GPATCH8: variants seen among roughly 807,000 people sequenced by gnomAD.
GPATCH8 encodes the protein G-patch domain containing 8, also known as G patch domain-containing protein 8.
In GPATCH8, 18 loss-of-function variants were observed where a neutral mutation model predicts 118.3. The observed-to-expected ratio is 0.15, with a 90% confidence interval of 0.11 to 0.23. The LOEUF is 0.23. GPATCH8 is among the 10% of genes least tolerant of loss of function. GPATCH8 has a pLI of 1.00. For missense variants in GPATCH8, 1,631 were observed against 1,873.8 expected (o/e 0.87, Z 2.39); for synonymous variants, 659 against 684.7 (o/e 0.96, Z 0.59).
intron 3 of GPATCH8, among the ~76,000 whole-genome samples, chr17:44,453,480 T>C (rs972494531): frequency 5.1e-5 from 6 of 118,114 alleles, no homozygotes; most frequent in African/African-American, 1.8e-4. Context: ...CTTCTAGTTG[T>C]AGGTAGGTAG....
chr17:44,408,206 T>C (rs1208417148), intron 6 of GPATCH8, among the ~76,000 whole-genome samples: 1 of 148,710 alleles, frequency 6.7e-6, no homozygotes, highest in East Asian at 2.0e-4. Context: ...TTTTTTGAGA[T>C]GGAGTTTTAT....
chr17:44,491,635 G>A (rs1969253287), intron 1 of GPATCH8, among the ~76,000 whole-genome samples: 1 of 152,024 alleles, frequency 6.6e-6, no homozygotes, highest in Non-Finnish European at 1.5e-5. Context: ...ATCACTAGAG[G>A]CAAGGAGTTC....
rs186055241 is a variant in GPATCH8 at position 44,502,711 on chromosome 17, C to T, written c.45+615G>A. On this transcript the variant is annotated intron_variant, in intron 1 of 7. Coordinates refer to ENST00000591680, the MANE Select transcript of GPATCH8 (RefSeq NM_001002909.4). ...CGGATCATAGTCCAGTAACTTACTG[C>T]TTTCCAAGCCCAATTAACAGCCTAA... Among the ~76,000 whole-genome samples the T allele has an allele frequency of 2.2e-3, 332 of 152,314 alleles. 1 individual carries two copies. Among genetic ancestry groups the T allele is most frequent in the African/African-American group, 7.6e-3 (316 of 41,566 alleles).
intron 3 of GPATCH8, among the ~76,000 whole-genome samples, chr17:44,448,292 T>C (rs139631372): frequency 0.02 from 3,008 of 152,102 alleles, 102 homozygotes; most frequent in African/African-American, 0.068. Context: ...GTATGGTGGC[T>C]CACGCCTATA....
intron 6 of GPATCH8, among the ~76,000 whole-genome samples, chr17:44,414,077 ATATG>A (rs1387534361): frequency 8.0e-5 from 10 of 124,658 alleles, no homozygotes; most frequent in African/African-American, 2.2e-4. Flanking sequence ...ATATATATAT[ATATG>A]TGTGTGTATA....
At chr17:44,462,477 C>T (rs1305337198) in intron 3 of GPATCH8, among the ~76,000 whole-genome samples, 1 of 152,178 alleles carries the variant, frequency 6.6e-6, no homozygotes, top group Non-Finnish European at 1.5e-5. Flanking sequence ...ACGAATTGCT[C>T]TTAATCAGAG....
At chr17:44,480,048 A>G (rs1275962156) in intron 1 of GPATCH8, among the ~76,000 whole-genome samples, 1 of 152,134 alleles carries the variant, frequency 6.6e-6, no homozygotes, top group Non-Finnish European at 1.5e-5. Context: ...TCAGAAACCA[A>G]TGAATGCTGA....
intron 6 of GPATCH8, among the ~76,000 whole-genome samples, chr17:44,423,149 G>A (rs957718186): frequency 1.5e-4 from 23 of 152,034 alleles, no homozygotes; most frequent in African/African-American, 4.8e-4. Flanking sequence ...GCTGAGGCAG[G>A]AGAATCACTT....
At chr17:44,496,214 T>C (rs1249124513) in intron 1 of GPATCH8, among the ~76,000 whole-genome samples, 1 of 152,160 alleles carries the variant, frequency 6.6e-6, no homozygotes, top group Admixed American at 6.5e-5. Context: ...ATCAAAATAA[T>C]TTCTTGATTT....
At chr17:44,427,256 C>G (rs1031301684) in intron 5 of GPATCH8, among the ~76,000 whole-genome samples, 1 of 151,466 alleles carries the variant, frequency 6.6e-6, no homozygotes, top group Admixed American at 6.6e-5. Flanking sequence ...TTGTATTTTT[C>G]GTAGAGACAG....
chr17:44,453,879 A>C (rs1482870629), intron 3 of GPATCH8, among the ~76,000 whole-genome samples: 1 of 152,010 alleles, frequency 6.6e-6, no homozygotes, highest in Admixed American at 6.6e-5. Flanking sequence ...ACTCTGCTTC[A>C]ATCAAAACAA....
At chr17:44,483,170 A>T (rs1369671490) in intron 1 of GPATCH8, among the ~76,000 whole-genome samples, 2 of 21,860 alleles carry the variant, frequency 9.1e-5, no homozygotes, top group African/African-American at 2.5e-4. Flanking sequence ...AAAAAAAAAA[A>T]AAAAAAATAT....
intron 4 of GPATCH8, among the ~76,000 whole-genome samples, chr17:44,435,685 G>A (rs1312186557): frequency 6.9e-6 from 1 of 145,930 alleles, no homozygotes; most frequent in Non-Finnish European, 1.5e-5. Flanking sequence ...CCACAGTGCT[G>A]GGATTACAGG....
At chr17:44,459,778 C>G (rs1380454529) in intron 3 of GPATCH8, among the ~76,000 whole-genome samples, 1 of 152,004 alleles carries the variant, frequency 6.6e-6, no homozygotes, top group Non-Finnish European at 1.5e-5. Flanking sequence ...ACCTGAAAGT[C>G]AGGAACCATG....
At chr17:44,461,367 A>G (rs1327189908) in intron 3 of GPATCH8, among the ~76,000 whole-genome samples, 1 of 149,634 alleles carries the variant, frequency 6.7e-6, no homozygotes, top group African/African-American at 2.5e-5. Flanking sequence ...TTTTTTTTGT[A>G]GAGATGGGGG....
rs528297442 is a variant in GPATCH8, at chr17:44,475,321, AGT to A, written c.46-420_46-419del. 4.5e-3 allele frequency among the ~76,000 whole-genome samples: 674 copies of A among 151,360 alleles called. 4 individuals carry two copies. The highest frequency in any genetic ancestry group is 0.016 in the African/African-American group (648 of 41,208). On this transcript the variant is annotated intron_variant, in intron 1 of 7. Coordinates refer to ENST00000591680, the MANE Select transcript of GPATCH8 (RefSeq NM_001002909.4). ...CTTGAACCCGGGAGGTGGGGGTTGCAGTGAGTTGAGACTGGGCCACCACACTC... is the reference window on the plus strand; with the variant it reads ...CTTGAACCCGGGAGGTGGGGGTTGCAGAGTTGAGACTGGGCCACCACACTC...
intron 1 of GPATCH8, among the ~76,000 whole-genome samples, chr17:44,501,904 T>A (rs1427816912): frequency 6.6e-6 from 1 of 152,152 alleles, no homozygotes; most frequent in Non-Finnish European, 1.5e-5. Flanking sequence ...CAACTCATAT[T>A]TTATAGTGCT....
chr17:44,470,399 T>C (rs1169404926), intron 2 of GPATCH8, among the ~76,000 whole-genome samples: 3 of 151,964 alleles, frequency 2.0e-5, no homozygotes, highest in African/African-American at 7.3e-5. Flanking sequence ...GGTTTCACCG[T>C]GTTAGCCAGA....
At chr17:44,483,206 T>TATATACACACAC (rs1555646851) in intron 1 of GPATCH8, among the ~76,000 whole-genome samples, 3 of 77,492 alleles carry the variant, frequency 3.9e-5, no homozygotes, top group African/African-American at 1.5e-4. Flanking sequence ...TATATATATA[T>TATATACACACAC]ATATATATAT....
Sources: gnomAD v4.1 joint callset for allele counts (sites outside exome capture counted in the v4.1 genomes callset) on GRCh38, gnomAD v4.1.1 for gene constraint, MANE v1.5 for transcripts, NCBI Gene and HGNC (gene_info 2026-07-23, HGNC 2026-07-21) for gene names.